PINX1: variants seen among roughly 807,000 people sequenced by gnomAD.
The protein encoded by PINX1 is PIN2 (TERF1) interacting telomerase inhibitor 1.
In PINX1, 34 loss-of-function variants were observed where a neutral mutation model predicts 25.4. That is an observed-to-expected ratio of 1.34 (90% confidence interval 1.02 to 1.78). PINX1 has a LOEUF of 1.78. Ranked by LOEUF, PINX1 falls within the 40% of genes most tolerant of loss-of-function variation. The pLI, the probability that PINX1 is intolerant of heterozygous loss-of-function variation, is 0.00. For synonymous variants in PINX1, 197 were observed against 147.7 expected, an observed-to-expected ratio of 1.33 and a Z score of -2.42; for missense variants, 592 against 404.9, an observed-to-expected ratio of 1.46 and a Z score of -3.97.
In PINX1 at chr8:10,821,166, C is replaced by T. The variant is rs543445320; in HGVS notation, c.395-897G>A. 1.1e-3 allele frequency among the ~76,000 whole-genome samples: 172 copies of T among 152,320 alleles called. 3 individuals carry two copies. The South Asian group carries it at 0.033, about 29-fold the overall frequency. ...CTGGGTCAGACACAGGAATGTGAGT[C>T]TCACGCTGGAAGCCGAGTTCCACCG... On this transcript the variant is annotated intron_variant, in intron 5 of 6. Coordinates refer to ENST00000314787, the MANE Select transcript of PINX1 (RefSeq NM_017884.6).
intron 6 of PINX1, among the ~76,000 whole-genome samples, chr8:10,812,612 AC>A (rs1300290515): frequency 6.6e-6 from 1 of 152,126 alleles, no homozygotes; most frequent in African/African-American, 2.4e-5. Context: ...TGATAACCAC[AC>A]CCATTTCTTC....
At chr8:10,839,208 G>A (rs1012696703) in intron 1 of PINX1, among the ~76,000 whole-genome samples, 1 of 152,130 alleles carries the variant, frequency 6.6e-6, no homozygotes. Flanking sequence ...GGTCAAAAAC[G>A]CCAGTCTCAC....
chr8:10,811,606 G>A (rs113865396), intron 6 of PINX1, among the ~76,000 whole-genome samples: 3 of 152,248 alleles, frequency 2.0e-5, no homozygotes, highest in African/African-American at 7.2e-5. Context: ...TCTCTCACGC[G>A]GATATTGTCA....
At chr8:10,790,672 C>T (rs577650019) in intron 6 of PINX1, among the ~76,000 whole-genome samples, 4 of 152,288 alleles carry the variant, frequency 2.6e-5, no homozygotes, top group South Asian at 2.1e-4. Context: ...GGCTCAGGCT[C>T]GGGCTCTGGC....
At chr8:10,782,493 T>C (rs1460620043) in intron 6 of PINX1, among the ~76,000 whole-genome samples, 2 of 152,116 alleles carry the variant, frequency 1.3e-5, no homozygotes, top group African/African-American at 4.8e-5. Flanking sequence ...CCTAGCACTT[T>C]GGGAGGCCAA....
rs1021290243 is a variant in PINX1 at position 10,834,859 on chromosome 8, T to C, written c.20-84A>G. The C allele has an allele frequency of 2.9e-5, 25 of 857,076 alleles. No homozygotes were observed. In the African/African-American group the frequency reaches 4.2e-4, roughly 14 times the overall value. 53.1% of individuals were successfully genotyped at this position (857,076 alleles called of 1,614,324 possible). A position where few individuals can be genotyped will look rare whatever the true frequency, so the allele number is the denominator to read the frequency against. ...AAACATACACATGCACAACTTTGTG[T>C]ATTTTATGTATGTATGTAAAATATG... On this transcript the variant is annotated intron_variant, in intron 1 of 6. Transcript: ENST00000314787.
At chr8:10,787,679 A>G (rs1801795069) in intron 6 of PINX1, 1 of 362,670 alleles carries the variant, frequency 2.8e-6, no homozygotes, top group Non-Finnish European at 5.4e-6. Context: ...TTCAGCAGGG[A>G]TGGTAATCTA....
intron 6 of PINX1, among the ~76,000 whole-genome samples, chr8:10,789,586 G>A (rs2129076020): frequency 6.6e-6 from 1 of 152,304 alleles, no homozygotes; most frequent in East Asian, 1.9e-4. Context: ...CAGGGCAGTG[G>A]TCAGAGGAGT....
chr8:10,826,355 T>A, intron 4 of PINX1, 111 bp from the exon 5 acceptor site: 3 of 589,006 alleles, frequency 5.1e-6, no homozygotes, highest in Admixed American at 3.4e-5. Context: ...TCATTAATGA[T>A]TGAACTCTTT....
chr8:10,837,155 T>C (rs1471083423), intron 1 of PINX1, among the ~76,000 whole-genome samples: 1 of 152,208 alleles, frequency 6.6e-6, no homozygotes, highest in African/African-American at 2.4e-5. Flanking sequence ...CAGTTTATGC[T>C]GAGCACCTGC....
intron 6 of PINX1, among the ~76,000 whole-genome samples, chr8:10,813,690 T>C (rs932273973): frequency 2.0e-5 from 3 of 152,192 alleles, no homozygotes; most frequent in African/African-American, 7.2e-5. Flanking sequence ...ATGAGGGTTC[T>C]AATTCAATCA....
At chr8:10,814,954 T>C (rs1797654813) in intron 6 of PINX1, among the ~76,000 whole-genome samples, 1 of 152,178 alleles carries the variant, frequency 6.6e-6, no homozygotes, top group South Asian at 2.1e-4. Flanking sequence ...TTCTTCGTTT[T>C]TTTGAGACAG....
At chr8:10,831,115 C>T (rs1798214512) in intron 4 of PINX1, among the ~76,000 whole-genome samples, 1 of 152,152 alleles carries the variant, frequency 6.6e-6, no homozygotes, top group African/African-American at 2.4e-5. Context: ...TTTACCCTTA[C>T]GAAAGAATGA....
chr8:10,825,463 G>C, intron 5 of PINX1: 3 of 534,710 alleles, frequency 5.6e-6, no homozygotes, highest in Non-Finnish European at 1.2e-5. Context: ...ACAAACTGGG[G>C]AGTTGGTTCT....
chr8:10,826,507 A>G, intron 4 of PINX1, among the ~76,000 whole-genome samples: 1 of 152,258 alleles, frequency 6.6e-6, no homozygotes, highest in East Asian at 1.9e-4. Flanking sequence ...TCCTTGAGGA[A>G]GAAATGGAAA....
chr8:10,821,947 T>C (rs1350753250), intron 5 of PINX1: 1 of 152,194 alleles, frequency 6.6e-6, no homozygotes, highest in Non-Finnish European at 1.5e-5. Context: ...AAAACAGATC[T>C]GAAAGTCAAA....
In PINX1 at chr8:10,795,793, C is replaced by G. The variant is rs1802066377; in HGVS notation, c.471+24400G>C. Among the ~76,000 whole-genome samples the G allele has an allele frequency of 2.0e-5, 3 of 152,028 alleles. No homozygotes were observed. In the South Asian group the frequency reaches 6.2e-4, roughly 31 times the overall value. On this transcript the variant is annotated intron_variant, in intron 6 of 6. Transcript: ENST00000314787. ...AGTAAAGTGATCTCACTTTTTAAAC[C>G]AAAATCTCTGTTACGGAATGCCAAG...
chr8:10,797,072 A>C (rs750429239), intron 6 of PINX1, among the ~76,000 whole-genome samples: 2 of 152,064 alleles, frequency 1.3e-5, no homozygotes, highest in African/African-American at 4.8e-5. Flanking sequence ...TCCCCTACCC[A>C]GTAACACACG....
chr8:10,772,907 C>A (rs1043608381), intron 6 of PINX1, among the ~76,000 whole-genome samples: 19 of 150,306 alleles, frequency 1.3e-4, no homozygotes, highest in South Asian at 2.1e-4. Flanking sequence ...GAACTATGGC[C>A]GTGGGCCTAG....
Sources: gnomAD v4.1 joint callset for allele counts (sites outside exome capture counted in the v4.1 genomes callset) on GRCh38, gnomAD v4.1.1 for gene constraint, MANE v1.5 for transcripts, NCBI Gene and HGNC (gene_info 2026-07-23, HGNC 2026-07-21) for gene names.